ZNRF2: variants seen among roughly 807,000 people sequenced by gnomAD.
ZNRF2 encodes E3 ubiquitin-protein ligase ZNRF2.
A neutral mutation model predicts 20.4 loss-of-function variants in ZNRF2; 16 were observed. The ratio of observed to expected loss-of-function variants is 0.79; its 90% CI spans 0.53 to 1.19. ZNRF2 has a LOEUF of 1.19. Among genes scored for constraint, ZNRF2 ranks in the 50% most tolerant of loss-of-function variants. The pLI is 0.00. For synonymous variants in ZNRF2, 178 were observed against 144.9 expected (o/e 1.23, Z -1.64); for missense variants, 363 against 332.4 (o/e 1.09, Z -0.72).
At chr7:30,357,819 G>A (rs544073509) in intron 3 of ZNRF2, among the ~76,000 whole-genome samples, 10 of 152,284 alleles carry the variant, frequency 6.6e-5, no homozygotes, top group African/African-American at 2.4e-4. Flanking sequence ...AGTAGAAAAA[G>A]ATGGAAGGTT....
intron 2 of ZNRF2, among the ~76,000 whole-genome samples, chr7:30,336,598 G>C (rs887667736): frequency 2.6e-5 from 4 of 152,038 alleles, no homozygotes; most frequent in Admixed American, 6.6e-5. Flanking sequence ...TTAATTTCTA[G>C]GTAGTTTCTC....
rs1403552142 is a variant in ZNRF2, at chr7:30,285,606, C to T, written c.249C>T (p.Leu83=). 6.0e-6 allele frequency: 7 copies of T among 1,173,986 alleles called. No individual in the cohort carries two copies. The African/African-American group carries it at 1.1e-4, about 19-fold the overall frequency. The allele number at this position is 1,173,986 out of a possible 1,614,324, so 72.7% of individuals were successfully genotyped here. The change falls in exon 1 of 5, where the codon CTC becomes CTT. Residue 83 remains leucine (L), a synonymous_variant. Coordinates refer to ENST00000323037, the MANE Select transcript of ZNRF2 (RefSeq NM_147128.4). ...CGGCGGCCCCGCGCAGCCGCTCCCT[C>T]GGCGGGGCCGTGGGGAGCGTGGCGT... ...AAPAAPRSRS[L]GGAVGSVASG... is the part of the protein sequence containing the mutation.
chr7:30,335,195 C>A (rs1214472244), intron 2 of ZNRF2, among the ~76,000 whole-genome samples: 1 of 152,010 alleles, frequency 6.6e-6, no homozygotes, highest in Non-Finnish European at 1.5e-5. Context: ...TTTCATAAAT[C>A]TTTATATTAG....
chr7:30,353,900 A>G (rs1417349178), intron 2 of ZNRF2, among the ~76,000 whole-genome samples: 1 of 152,150 alleles, frequency 6.6e-6, no homozygotes, highest in Non-Finnish European at 1.5e-5. Context: ...GTGATGAAAA[A>G]ATACGTAAGT....
chr7:30,333,129 T>G (rs1583586120), intron 2 of ZNRF2, among the ~76,000 whole-genome samples: 1 of 149,088 alleles, frequency 6.7e-6, no homozygotes, highest in South Asian at 2.2e-4. Flanking sequence ...TCTTGGCTCA[T>G]TGCAACCTCT....
At chr7:30,298,248 G>GTA (rs908797992) in intron 1 of ZNRF2, among the ~76,000 whole-genome samples, 1 of 152,166 alleles carries the variant, frequency 6.6e-6, no homozygotes, top group Non-Finnish European at 1.5e-5. Flanking sequence ...GTATGTGTAT[G>GTA]TATATATATG....
At chr7:30,354,960 T>C (rs1318523139) in intron 2 of ZNRF2, among the ~76,000 whole-genome samples, 1 of 152,192 alleles carries the variant, frequency 6.6e-6, no homozygotes, top group East Asian at 1.9e-4. Flanking sequence ...GTATAAAACA[T>C]GGATTGAGAG....
intron 2 of ZNRF2, among the ~76,000 whole-genome samples, chr7:30,335,378 A>G (rs1799701541): frequency 6.6e-6 from 1 of 152,170 alleles, no homozygotes; most frequent in South Asian, 2.1e-4. Flanking sequence ...AAAAGCTTTT[A>G]TTCTCCTGGT....
chr7:30,284,633 C>T lies in ZNRF2; in HGVS notation c.-725C>T, dbSNP rs2128052580. On this transcript the variant is annotated 5_prime_UTR_variant, in exon 1 of 5. Coordinates refer to ENST00000323037, the MANE Select transcript of ZNRF2 (RefSeq NM_147128.4). ...CCGGGCGCACCCTGCAGCCGCGCCG[C>T]TCCGCGGCCTTCCGGCGCGGGGCCG... The T allele has an allele frequency of 6.5e-6, 1 of 153,738 alleles. No homozygotes were observed. The highest frequency in any genetic ancestry group is 1.9e-4 in the East Asian group (1 of 5,162). The allele number at this position is 153,738 out of a possible 1,614,324, so 9.5% of individuals were successfully genotyped here. A position where few individuals can be genotyped will look rare whatever the true frequency, so the allele number is the denominator to read the frequency against.
chr7:30,367,281 A>G lies in ZNRF2; in HGVS notation c.*1269A>G, dbSNP rs1800231149. On this transcript the variant is annotated 3_prime_UTR_variant, in exon 5 of 5. Transcript: ENST00000323037. The stretch of plus-strand genomic sequence containing the variant: ...GAAATGTGTTAAACAAAATTATGTT[A>G]ATAAATATTCCCACATAATACATCT... 1 of 152,538 alleles carries G rather than the reference A, an allele frequency of 6.6e-6. No homozygotes were observed. The highest frequency in any genetic ancestry group is 1.5e-5 in the Non-Finnish European group (1 of 67,934). The allele number at this position is 152,538 out of a possible 1,614,324, so 9.4% of individuals were successfully genotyped here. A position where few individuals can be genotyped will look rare whatever the true frequency, so the allele number is the denominator to read the frequency against.
intron 2 of ZNRF2, among the ~76,000 whole-genome samples, chr7:30,351,806 A>G (rs1335962836): frequency 1.3e-5 from 2 of 152,060 alleles, no homozygotes; most frequent in Non-Finnish European, 2.9e-5. Flanking sequence ...AGCACATTAA[A>G]AAGTACACGT....
At chr7:30,305,186 A>G (rs965496933) in intron 1 of ZNRF2, among the ~76,000 whole-genome samples, 2 of 152,212 alleles carry the variant, frequency 1.3e-5, no homozygotes, top group African/African-American at 4.8e-5. Context: ...GAAATCAGCA[A>G]CTAGTACAAA....
intron 2 of ZNRF2, among the ~76,000 whole-genome samples, chr7:30,353,238 A>G (rs1046010714): frequency 2.6e-5 from 4 of 152,092 alleles, no homozygotes; most frequent in Non-Finnish European, 5.9e-5. Flanking sequence ...AGTGGCTACA[A>G]TATGTTAACA....
At chr7:30,344,883 A>G (rs1410222833) in intron 2 of ZNRF2, among the ~76,000 whole-genome samples, 1 of 152,150 alleles carries the variant, frequency 6.6e-6, no homozygotes, top group Non-Finnish European at 1.5e-5. Context: ...TACCTTCTCT[A>G]CTTGAGGACA....
intron 3 of ZNRF2, 106 bp downstream of exon 3, chr7:30,355,939 T>TCA: frequency 1.5e-6 from 1 of 683,146 alleles, no homozygotes; most frequent in Non-Finnish European, 2.5e-6. Flanking sequence ...CCTCCCTGTC[T>TCA]CACACACACT....
intron 1 of ZNRF2, among the ~76,000 whole-genome samples, chr7:30,314,788 A>AAT (rs139581545): frequency 0.014 from 2,008 of 148,100 alleles, 32 homozygotes; most frequent in African/African-American, 0.04. Flanking sequence ...AAATATGGGA[A>AAT]ATATATATAT....
chr7:30,300,329 AGTAGAGACAG>A (rs1299896111), intron 1 of ZNRF2, among the ~76,000 whole-genome samples: 1 of 151,126 alleles, frequency 6.6e-6, no homozygotes, highest in African/African-American at 2.4e-5. Context: ...CTGTATGTTT[AGTAGAGACAG>A]GGTTTCACCA....
At chr7:30,353,753 C>G (rs1032900825) in intron 2 of ZNRF2, among the ~76,000 whole-genome samples, 1 of 151,152 alleles carries the variant, frequency 6.6e-6, no homozygotes, top group Non-Finnish European at 1.5e-5. Flanking sequence ...TTTTTTTTTA[C>G]TTGGTGGTAT....
At chr7:30,307,335 T>G (rs1444707945) in intron 1 of ZNRF2, among the ~76,000 whole-genome samples, 3,374 of 134,418 alleles carry the variant, frequency 0.025, 111 homozygotes, top group African/African-American at 0.081. Flanking sequence ...TGTTTTTTTT[T>G]TTTTTTTTTT....
Sources: gnomAD v4.1 joint callset for allele counts (sites outside exome capture counted in the v4.1 genomes callset) on GRCh38, gnomAD v4.1.1 for gene constraint, MANE v1.5 for transcripts, NCBI Gene and HGNC (gene_info 2026-07-23, HGNC 2026-07-21) for gene names.